PKLR: variants seen among roughly 807,000 people sequenced by gnomAD.
PKLR encodes pyruvate kinase L/R, also known as pyruvate kinase PKLR.
In PKLR, 38 loss-of-function variants were observed where a neutral mutation model predicts 53.6. That is an observed-to-expected ratio of 0.71 (90% CI 0.55 to 0.93). The LOEUF is 0.93. Among genes scored for constraint, PKLR ranks in the 40% least tolerant of loss-of-function variants. The pLI, the probability that PKLR is intolerant of heterozygous loss-of-function variation, is 0.00. For synonymous variants in PKLR, 328 were observed against 316.2 expected (o/e 1.04, Z -0.39); for missense variants, 702 against 787.3 (o/e 0.89, Z 1.30).
chr1:155,299,007 TTTC>T (rs77145576), intron 2 of PKLR, among the ~76,000 whole-genome samples: 6 of 100,722 alleles, frequency 6.0e-5, no homozygotes, highest in Non-Finnish European at 1.1e-4. Flanking sequence ...TCTTTCTTTC[TTTC>T]TTTCTTTCTT....
intron 2 of PKLR, among the ~76,000 whole-genome samples, chr1:155,299,471 G>C (rs969980023): frequency 1.4e-5 from 2 of 142,092 alleles, no homozygotes; most frequent in Non-Finnish European, 3.0e-5. Flanking sequence ...TTACAGGCAT[G>C]AGCCACTGAG....
chr1:155,300,864 C>T, intron 1 of PKLR: 1 of 1,611,046 alleles, frequency 6.2e-7, no homozygotes, highest in Non-Finnish European at 8.5e-7. Context: ...CAGAGGAGCC[C>T]CCGATTCCAG....
At position 155,291,793 on chromosome 1, in the gene PKLR, A is replaced by G. The variant is rs1674554270; in HGVS notation, c.1581T>C (p.Asp527=). Residue 527 remains aspartate (D), a synonymous_variant, in exon 10 of 11, where the codon GAT becomes GAC. Coordinates refer to ENST00000342741, the MANE Select transcript of PKLR (RefSeq NM_000298.6). ...CAAATTGCACCCGGCGATCTACATC[A>G]TCTGCCCAGATGGCTTCTGGAGGTT... The part of the protein sequence containing the change: ...YREPPEAIWA[D]DVDRRVQFGI... 1.2e-6 allele frequency: 2 copies of G among 1,614,016 alleles called. No individual in the cohort carries two copies. Among genetic ancestry groups the G allele is most frequent in the Non-Finnish European group, 1.7e-6 (2 of 1,180,022 alleles).
chr1:155,292,756 T>C (rs1368043717), intron 9 of PKLR, among the ~76,000 whole-genome samples: 1 of 152,150 alleles, frequency 6.6e-6, no homozygotes, highest in East Asian at 1.9e-4. Flanking sequence ...GTACTTAATA[T>C]CTCCTGTTAA....
chr1:155,299,034 C>CTCTT (rs1295731526), intron 2 of PKLR, among the ~76,000 whole-genome samples: 7 of 61,010 alleles, frequency 1.1e-4, no homozygotes, highest in Non-Finnish European at 2.1e-4. Context: ...TTCTTTCTTT[C>CTCTT]TCTTTCTTTC....
intron 1 of PKLR, 97 bp from the exon 2 acceptor site, chr1:155,300,377 G>A (rs1647923388): frequency 3.2e-6 from 3 of 927,494 alleles, no homozygotes; most frequent in Non-Finnish European, 5.1e-6. Flanking sequence ...CTTCTTATGA[G>A]CTGGGCATCA....
chr1:155,308,635 G>C, the PKLR span: 1 of 985,326 alleles, frequency 1.0e-6, no homozygotes, highest in African/African-American at 1.7e-5. Context: ...TTCCCAGCCT[G>C]GCTCGCTTCC....
upstream of PKLR, among the ~76,000 whole-genome samples, chr1:155,305,797 T>G (rs1021443889): frequency 3.4e-5 from 2 of 59,110 alleles, no homozygotes; most frequent in Non-Finnish European, 6.2e-5. Context: ...GCCCAGCTAA[T>G]TTTTTTTTTT....
At chr1:155,300,068 G>C (rs1270771615) in intron 2 of PKLR, 30 bp downstream of exon 2, 3 of 1,602,602 alleles carry the variant, frequency 1.9e-6, no homozygotes, top group Non-Finnish European at 2.6e-6. Context: ...AATAGGCCCT[G>C]TGTGGCTGCA....
At chr1:155,296,074 G>A (rs1647577383) in intron 2 of PKLR, among the ~76,000 whole-genome samples, 1 of 152,210 alleles carries the variant, frequency 6.6e-6, no homozygotes, top group Non-Finnish European at 1.5e-5. Context: ...CCAGGGTATG[G>A]GGTGTAGGGC....
intron 10 of PKLR, among the ~76,000 whole-genome samples, chr1:155,291,251 A>G (rs1056000238): frequency 1.3e-4 from 19 of 151,698 alleles, no homozygotes; most frequent in Non-Finnish European, 1.5e-5. Context: ...TAATCCCAGC[A>G]CTCTGGGAGT....
Position 155,295,207 on chromosome 1 carries a change from C to G in PKLR, c.603G>C (p.Trp201Cys), listed in dbSNP as rs1647499374. 6.2e-7 allele frequency: 1 copy of G among 1,614,154 alleles called. No homozygotes were observed. The highest frequency in any genetic ancestry group is 1.1e-5 in the South Asian group (1 of 91,084). Residue 201 changes from tryptophan (W) to cysteine (C), a missense_variant, in exon 5 of 11, where the codon TGG becomes TGC. Coordinates refer to ENST00000342741, the MANE Select transcript of PKLR (RefSeq NM_000298.6). The surrounding 1 kb of genome is among the most constrained non-coding windows in gnomAD (Gnocchi z 4.3). ...FRTRGNANTVWVDYPNIVRVV... is the reference protein window; with the variant it reads ...FRTRGNANTVCVDYPNIVRVV... Reference sequence around the variant, plus strand: ...CCCGGACAATATTGGGGTAGTCCACCCACACGGTGTTCGCGTTCCCCCGCG... The same window carrying G: ...CCCGGACAATATTGGGGTAGTCCACGCACACGGTGTTCGCGTTCCCCCGCG...
In PKLR at chr1:155,293,157, A is replaced by G; in HGVS notation, c.1436+20T>C. On this transcript the variant is annotated intron_variant, in intron 9 of 10. Coordinates refer to ENST00000342741, the MANE Select transcript of PKLR (RefSeq NM_000298.6). This position sits in a 1 kb window ranked among gnomAD's most constrained non-coding sequence, Gnocchi z 4.2. ...CCCTGACCCAAAGCTCCATCTGGAC[A>G]TTCCCAATATCCCCCTCACCGGCCA... 6.3e-7 allele frequency: 1 copy of G among 1,585,496 alleles called. No homozygotes were observed. The highest frequency in any genetic ancestry group is 8.6e-7 in the Non-Finnish European group (1 of 1,159,678).
chr1:155,295,636 C>T lies in PKLR; in HGVS notation c.375+29G>A, dbSNP rs200472280. On this transcript the variant is annotated intron_variant, in intron 3 of 10. Transcript: ENST00000342741. This position sits in a 1 kb window ranked among gnomAD's most constrained non-coding sequence, Gnocchi z 4.3. ...AGGACCTCGAGGCATCCTCCTGCCC[C>T]ACCCACTGCCCGGCGGCCCGTCCCG... is the stretch of plus-strand genomic sequence containing the variant. 2.5e-6 allele frequency: 4 copies of T among 1,614,008 alleles called. No individual in the cohort carries two copies. In the South Asian group the frequency reaches 3.3e-5, roughly 13 times the overall value.
In PKLR at chr1:155,301,353, A is replaced by T; in HGVS notation, c.43T>A (p.Trp15Arg). The T allele has an allele frequency of 6.2e-7, 1 of 1,614,038 alleles. No homozygotes were observed. The highest frequency in any genetic ancestry group is 8.5e-7 in the Non-Finnish European group (1 of 1,179,942). ...ENISSLQLRS[W>R]VSKSQRDLAK... ...AAGTCTCTTTGGGACTTAGAGACCCATGACCGAAGCTGCAGGGATGATATG... is the reference window on the plus strand; with the variant it reads ...AAGTCTCTTTGGGACTTAGAGACCCTTGACCGAAGCTGCAGGGATGATATG... Residue 15 changes from tryptophan (W) to arginine (R), a missense_variant, in exon 1 of 11, where the codon TGG becomes AGG. Around this residue, in one of 2 missense-constraint regions of PKLR, gnomAD observed 519 missense variants for 537.1 expected, o/e 0.97. Coordinates refer to ENST00000342741, the MANE Select transcript of PKLR (RefSeq NM_000298.6).
chr1:155,298,477 C>T (rs1231377128), intron 2 of PKLR, among the ~76,000 whole-genome samples: 1 of 150,172 alleles, frequency 6.7e-6, no homozygotes, highest in Non-Finnish European at 1.5e-5. Flanking sequence ...TACAGGCATG[C>T]ACCACCATGC....
chr1:155,294,124 C>G, intron 7 of PKLR, 111 bp downstream of exon 7: 1 of 1,253,358 alleles, frequency 8.0e-7, no homozygotes, highest in African/African-American at 1.5e-5. Context: ...CAGAGTGAGA[C>G]TCCGTCTCAA....
In PKLR at chr1:155,293,108, A is replaced by T. The variant is rs1036730859; in HGVS notation, c.1436+69T>A. ...ACCCCTGGTGACCAGACTAAACCCAAGCCTGGGGCCCGTCCCAGCCCACCC... is the reference window on the plus strand; with the variant it reads ...ACCCCTGGTGACCAGACTAAACCCATGCCTGGGGCCCGTCCCAGCCCACCC... On this transcript the variant is annotated intron_variant, in intron 9 of 10. Coordinates refer to ENST00000342741, the MANE Select transcript of PKLR (RefSeq NM_000298.6). The surrounding 1 kb of genome is among the most constrained non-coding windows in gnomAD (Gnocchi z 4.2). 48 of 1,535,660 alleles carry T rather than the reference A, an allele frequency of 3.1e-5. 1 individual carries two copies. Among genetic ancestry groups the T allele is most frequent in the Non-Finnish European group, 4.3e-5 (48 of 1,108,554 alleles).
chr1:155,290,680 T>TG lies in PKLR; in HGVS notation c.1619-3dup, dbSNP rs1315782288. The TG allele has an allele frequency of 6.3e-7, 1 of 1,587,392 alleles. No individual in the cohort carries two copies. Among genetic ancestry groups the TG allele is most frequent in the Non-Finnish European group, 8.6e-7 (1 of 1,156,070 alleles). On this transcript the variant is annotated splice_region_variant and splice_polypyrimidine_tract_variant and intron_variant, in intron 10 of 10. Coordinates refer to ENST00000342741, the MANE Select transcript of PKLR (RefSeq NM_000298.6). ...CACGGAGGAAGCCACGGAGCTTTCC[T>TG]GGGGGAGGGAAAGAAAACAAATCAT...
Sources: allele counts gnomAD v4.1 joint callset (sites outside exome capture counted in the v4.1 genomes callset), GRCh38; gene constraint gnomAD v4.1.1; regional missense constraint gnomAD v4.1.1; non-coding constraint Gnocchi (gnomAD v3.1); transcripts MANE v1.5; gene names NCBI Gene and HGNC (gene_info 2026-07-23, HGNC 2026-07-21).